The following ZNF467 variants were observed in gnomAD, a reference collection of about 807,000 sequenced individuals.
The protein encoded by ZNF467 is zinc finger protein EZI.
Under a neutral mutation model 47.8 loss-of-function variants are expected in ZNF467, and 51 were observed. That is an observed-to-expected ratio of 1.07 (90% CI 0.85 to 1.35). The LOEUF is 1.35. Among genes scored for constraint, ZNF467 ranks in the 40% most tolerant of loss-of-function variants. The pLI, the probability that ZNF467 is intolerant of heterozygous loss-of-function variation, is 0.00. For synonymous variants in ZNF467, 416 were observed against 372.9 expected (o/e 1.12, Z -1.33); for missense variants, 992 against 858.1 (o/e 1.16, Z -1.95).
At chr7:149,771,136 C>T (rs1799393230) in intron 1 of ZNF467, 62 bp from the exon 2 acceptor site, 21 of 1,424,580 alleles carry the variant, frequency 1.5e-5, no homozygotes, top group Non-Finnish European at 1.9e-5. Flanking sequence ...TGGGCCCTGG[C>T]TCTGCCCAAC....
At chr7:149,766,850 A>C (rs1799239451) in intron 4 of ZNF467, among the ~76,000 whole-genome samples, 1 of 152,186 alleles carries the variant, frequency 6.6e-6, no homozygotes, top group South Asian at 2.1e-4. Flanking sequence ...GAACCAGGGT[A>C]CCCACGTATT....
At chr7:149,776,444 G>T (rs778318740), upstream of ZNF467, 1 of 1,348,586 alleles carries the variant, frequency 7.4e-7, no homozygotes, top group Non-Finnish European at 9.9e-7. Context: ...CATTACAGCC[G>T]CCTGGGCTGG....
chr7:149,766,943 G>A (rs1368932424), intron 4 of ZNF467, among the ~76,000 whole-genome samples: 1 of 152,200 alleles, frequency 6.6e-6, no homozygotes, highest in African/African-American at 2.4e-5. Flanking sequence ...CAGGGTCTGG[G>A]GAACTAGTGA....
chr7:149,766,151 T>C lies in ZNF467; in HGVS notation c.351A>G (p.Leu117=). Residue 117 remains leucine (L), a synonymous_variant, in exon 5 of 5, where the codon TTA becomes TTG. Coordinates refer to ENST00000302017, the MANE Select transcript of ZNF467 (RefSeq NM_207336.3). The part of the protein sequence containing the change: ...EEVEWPQHLS[L]LPSPFPAPDL... Reference sequence around the variant, plus strand: ...CAGGCGCGGGAAAGGGGCTGGGAAGTAACGATAGATGCTGGGGCCATTCGA... The same window carrying C: ...CAGGCGCGGGAAAGGGGCTGGGAAGCAACGATAGATGCTGGGGCCATTCGA... 1 of 1,595,670 alleles carries C rather than the reference T, an allele frequency of 6.3e-7. No homozygotes were observed. Among genetic ancestry groups the C allele is most frequent in the Non-Finnish European group, 8.6e-7 (1 of 1,168,618 alleles).
intron 1 of ZNF467, among the ~76,000 whole-genome samples, chr7:149,772,643 A>G (rs553993478): frequency 1.3e-4 from 18 of 140,382 alleles, no homozygotes; most frequent in Middle Eastern, 4.0e-3. Flanking sequence ...CGCCCTCCCA[A>G]GCAGCTCCGA....
intron 1 of ZNF467, among the ~76,000 whole-genome samples, chr7:149,771,912 C>T (rs934603465): frequency 2.7e-4 from 40 of 150,824 alleles, no homozygotes; most frequent in South Asian, 2.3e-3. Flanking sequence ...GGTCGGCCCT[C>T]CGCTGCCACC....
rs1799133250 is a variant in ZNF467 at position 149,765,136 on chromosome 7, C to G, written c.1366G>C (p.Glu456Gln). The G allele has an allele frequency of 3.4e-6, 5 of 1,484,146 alleles. No homozygotes were observed. The South Asian group carries it at 5.0e-5, about 15-fold the overall frequency. 91.9% of individuals were successfully genotyped at this position (1,484,146 alleles called of 1,614,324 possible). The part of the protein sequence containing the change: ...LARHPRVHTG[E>Q]RPFACTQCDR... ...CACTGCGTGCAGGCGAAGGGCCGTT[C>G]GCCCGTGTGCACGCGCGGGTGCCGC... The change falls in exon 5 of 5, where the codon GAA becomes CAA. Residue 456 changes from glutamate (E) to glutamine (Q), a missense_variant. Transcript: ENST00000302017.
chr7:149,775,371 C>T (rs976142462), upstream of ZNF467, among the ~76,000 whole-genome samples: 4 of 152,184 alleles, frequency 2.6e-5, no homozygotes, highest in Non-Finnish European at 5.9e-5. Flanking sequence ...CACTCACTGC[C>T]CCCGACTCCT....
At position 149,764,694 on chromosome 7, in the gene ZNF467, G is replaced by A. The variant is rs778959827; in HGVS notation, c.*20C>T. ...CCTCTCGAAACTGTGGGCAAGAAAG[G>A]GTCCTCGTGAGAACTAGGCTCAGAA... On this transcript the variant is annotated 3_prime_UTR_variant, in exon 5 of 5. Coordinates refer to ENST00000302017, the MANE Select transcript of ZNF467 (RefSeq NM_207336.3). 15 of 1,582,838 alleles carry A rather than the reference G, an allele frequency of 9.5e-6. No individual in the cohort carries two copies. The highest frequency in any genetic ancestry group is 1.3e-5 in the Non-Finnish European group (15 of 1,161,268).
rs759939361 is a variant in ZNF467 at position 149,765,155 on chromosome 7, G to A, written c.1347C>T (p.His449=). The change falls in exon 5 of 5, where the codon CAC becomes CAT. Residue 449 remains histidine (H), a synonymous_variant. Coordinates refer to ENST00000302017, the MANE Select transcript of ZNF467 (RefSeq NM_207336.3). The stretch of plus-strand genomic sequence containing the variant: ...GCCGTTCGCCCGTGTGCACGCGCGG[G>A]TGCCGCGCCAGGTGCTGCCCATGGG... ...GFSHGQHLAR[H]PRVHTGERPF... 1.1e-5 allele frequency: 16 copies of A among 1,495,668 alleles called. No individual in the cohort carries two copies. In the South Asian group the frequency reaches 1.6e-4, roughly 15 times the overall value. The allele number at this position is 1,495,668 out of a possible 1,614,324, so 92.6% of individuals were successfully genotyped here. A position where few individuals can be genotyped will look rare whatever the true frequency, so the allele number is the denominator to read the frequency against.
At chr7:149,774,465 C>T (rs1245750022), upstream of ZNF467, among the ~76,000 whole-genome samples, 2 of 152,130 alleles carry the variant, frequency 1.3e-5, no homozygotes, top group African/African-American at 4.8e-5. This position sits in a 1 kb window ranked among gnomAD's most constrained non-coding sequence, Gnocchi z 5.7. Flanking sequence ...CTGATCAGCC[C>T]CGGTTTGAAT....
intron 4 of ZNF467, among the ~76,000 whole-genome samples, chr7:149,767,989 T>C (rs1227491547): frequency 6.6e-5 from 10 of 152,174 alleles, no homozygotes; most frequent in Admixed American, 6.6e-4. Flanking sequence ...TGCTTCAAGA[T>C]CTTCTCAGCC....
At position 149,764,811 on chromosome 7, in the gene ZNF467, A is replaced by G. The variant is rs1157622832; in HGVS notation, c.1691T>C (p.Ile564Thr). 1.3e-6 allele frequency: 2 copies of G among 1,531,906 alleles called. No individual in the cohort carries two copies. Among genetic ancestry groups the G allele is most frequent in the Non-Finnish European group, 1.8e-6 (2 of 1,140,712 alleles). 94.9% of individuals were successfully genotyped at this position (1,531,906 alleles called of 1,614,324 possible). ...GGCCGCGTGGGCGGCTTCGCCGTGAATGAGCTGGTGCCGCACCAGGTGGGT... is the reference window on the plus strand; with the variant it reads ...GGCCGCGTGGGCGGCTTCGCCGTGAGTGAGCTGGTGCCGCACCAGGTGGGT... ...RKTHLVRHQL[I>T]HGEAAHAAPD... The change falls in exon 5 of 5, where the codon ATT becomes ACT. Residue 564 changes from isoleucine to threonine, a missense_variant. Physicochemically the swap from Ile to Thr is moderately conservative, Grantham distance 89 (BLOSUM62 -1). Transcript: ENST00000302017.
At chr7:149,775,863 G>T (rs1377790860), upstream of ZNF467, among the ~76,000 whole-genome samples, 1 of 152,066 alleles carries the variant, frequency 6.6e-6, no homozygotes, top group African/African-American at 2.4e-5. Context: ...GGCAGCTGGT[G>T]CCCTGGGGCA....
In ZNF467 at chr7:149,765,198, T is replaced by C; in HGVS notation, c.1304A>G (p.Asp435Gly). The C allele has an allele frequency of 6.6e-7, 1 of 1,506,802 alleles. No individual in the cohort carries two copies. The highest frequency in any genetic ancestry group is 8.8e-7 in the Non-Finnish European group (1 of 1,132,046). 93.3% of individuals were successfully genotyped at this position (1,506,802 alleles called of 1,614,324 possible). Residue 435 changes from aspartate (D) to glycine (G), a missense_variant, in exon 5 of 5, where the codon GAC becomes GGC. Coordinates refer to ENST00000302017, the MANE Select transcript of ZNF467 (RefSeq NM_207336.3). The part of the protein sequence containing the change: ...PSGERSFFCP[D>G]CGRGFSHGQH... ...CCCATGGGAGAAGCCGCGCCCGCAG[T>C]CCGGGCAGAAGAAGGACCGCTCGCC... is the stretch of plus-strand genomic sequence containing the variant.
chr7:149,771,102 A>G, intron 1 of ZNF467, 28 bp from the exon 2 acceptor site: 1 of 1,606,886 alleles, frequency 6.2e-7, no homozygotes, highest in Non-Finnish European at 8.5e-7. Flanking sequence ...CCTTGTTCAG[A>G]TTTTTCCCAC....
chr7:149,775,892 C>G (rs1429479690), upstream of ZNF467: 2 of 512,458 alleles, frequency 3.9e-6, no homozygotes, highest in Non-Finnish European at 6.8e-6. Flanking sequence ...GAATAAAGCC[C>G]CCCACAGCCC....
chr7:149,772,407 A>G (rs1366889999), intron 1 of ZNF467, among the ~76,000 whole-genome samples: 1 of 11,264 alleles, frequency 8.9e-5, no homozygotes, highest in African/African-American at 4.7e-4. Flanking sequence ...GCTGCTTCCC[A>G]GCTCCCGGGT....
Position 149,769,072 on chromosome 7 carries a change from A to G in ZNF467, c.262+18T>C, listed in dbSNP as rs1311439903. 1 of 1,531,488 alleles carries G rather than the reference A, an allele frequency of 6.5e-7. No homozygotes were observed. The highest frequency in any genetic ancestry group is 8.8e-7 in the Non-Finnish European group (1 of 1,138,338). 94.9% of individuals were successfully genotyped at this position (1,531,488 alleles called of 1,614,324 possible). A position where few individuals can be genotyped will look rare whatever the true frequency, so the allele number is the denominator to read the frequency against. On this transcript the variant is annotated intron_variant, in intron 4 of 4. Transcript: ENST00000302017. The surrounding 1 kb of genome is among the most constrained non-coding windows in gnomAD (Gnocchi z 5.3). Reference sequence around the variant, plus strand: ...TTGGCCTGAGCCCGTGGTGGGATGAAGTGATGGGAAGACTCACCTGGGCAG... The same window carrying G: ...TTGGCCTGAGCCCGTGGTGGGATGAGGTGATGGGAAGACTCACCTGGGCAG...
Sources: gnomAD v4.1 joint callset for allele counts (sites outside exome capture counted in the v4.1 genomes callset) on GRCh38, gnomAD v4.1.1 for gene constraint, Gnocchi (gnomAD v3.1) non-coding constraint, MANE v1.5 for transcripts, NCBI Gene and HGNC (gene_info 2026-07-23, HGNC 2026-07-21) for gene names.